Variants in CFAP61 observed in about 807,000 individuals in gnomAD.
CFAP61 encodes cilia and flagella associated protein 61, also known as cilia- and flagella-associated protein 61.
In CFAP61, 107 loss-of-function variants were observed where a neutral mutation model predicts 135.6. That is an observed-to-expected ratio of 0.79 (90% CI 0.67 to 0.93). The LOEUF (loss-of-function observed/expected upper bound fraction) is 0.93, where lower values mean the gene tolerates loss of function less well. Ranked by LOEUF, CFAP61 falls within the 40% of genes least tolerant of loss-of-function variation. The pLI, the probability that CFAP61 is intolerant of heterozygous loss-of-function variation, is 0.00. For missense variants in CFAP61, 1,507 were observed against 1,556.2 expected (o/e 0.97, Z 0.53); for synonymous variants, 575 against 578.5 (o/e 0.99, Z 0.09).
intron 17 of CFAP61, among the ~76,000 whole-genome samples, chr20:20,216,631 G>A (rs1366962384): frequency 6.6e-6 from 1 of 152,128 alleles, no homozygotes; most frequent in Non-Finnish European, 1.5e-5. Flanking sequence ...TTGCTTGGTT[G>A]GGGGTTTTAT....
rs1433342835 is a variant in CFAP61 at position 20,314,635 on chromosome 20, A to C, written c.3422+16249A>C. 1.7e-4 allele frequency among the ~76,000 whole-genome samples: 25 copies of C among 143,634 alleles called. No individual in the cohort carries two copies. The Admixed American group carries it at 1.8e-3, about 10-fold the overall frequency. 94.2% of individuals were successfully genotyped at this position (143,634 alleles called of 152,430 possible). On this transcript the variant is annotated intron_variant, in intron 25 of 26. Coordinates refer to ENST00000245957, the MANE Select transcript of CFAP61 (RefSeq NM_015585.4). ...TGTGCCATGCTGGTGGGCTGCACCC[A>C]CTAACTCGTCATCTAGCATTAGGTA...
chr20:20,084,697 T>C (rs8115730), intron 6 of CFAP61, among the ~76,000 whole-genome samples: 7,127 of 152,224 alleles, frequency 0.047, 553 homozygotes, highest in African/African-American at 0.16. Context: ...CCTAGCAAGC[T>C]CAGCTAACCG....
In CFAP61 at chr20:20,127,592, G is replaced by A. The variant is rs759697286; in HGVS notation, c.860-15265G>A. Among the ~76,000 whole-genome samples, 8 of 151,202 alleles carry A rather than the reference G, an allele frequency of 5.3e-5. No individual in the cohort carries two copies. The South Asian group carries it at 1.5e-3, about 28-fold the overall frequency. ...TGAACCATCTGTGGGTCTCTCAGCCGTGGATACCAGTGCCTGTTCCGGTGG... is the reference window on the plus strand; with the variant it reads ...TGAACCATCTGTGGGTCTCTCAGCCATGGATACCAGTGCCTGTTCCGGTGG... On this transcript the variant is annotated intron_variant, in intron 8 of 26. Transcript: ENST00000245957.
intron 13 of CFAP61, among the ~76,000 whole-genome samples, chr20:20,186,306 C>T (rs370545180): frequency 2.6e-5 from 4 of 152,176 alleles, no homozygotes; most frequent in East Asian, 1.9e-4. Flanking sequence ...TCTCTCACTT[C>T]GCACAATGTT....
At chr20:20,308,755 A>G (rs930695556) in intron 25 of CFAP61, among the ~76,000 whole-genome samples, 1 of 152,202 alleles carries the variant, frequency 6.6e-6, no homozygotes, top group African/African-American at 2.4e-5. Context: ...CCCTCTGCAC[A>G]TCTTCGTAAA....
At chr20:20,075,687 T>A in intron 6 of CFAP61, 72 bp downstream of exon 6, 1 of 1,543,360 alleles carries the variant, frequency 6.5e-7, no homozygotes, top group South Asian at 1.2e-5. Context: ...CTCTTTAAAC[T>A]ACCAATGCTA....
chr20:20,116,112 C>T (rs2049120074), intron 8 of CFAP61, among the ~76,000 whole-genome samples: 2 of 151,986 alleles, frequency 1.3e-5, no homozygotes, highest in South Asian at 4.2e-4. Context: ...TCATCTGATA[C>T]TTTTTTGATA....
intron 2 of CFAP61, among the ~76,000 whole-genome samples, chr20:20,067,764 T>TATATA (rs2045403009): frequency 5.3e-5 from 3 of 56,700 alleles, no homozygotes; most frequent in Non-Finnish European, 1.9e-4. Context: ...TATATTATTA[T>TATATA]ATATGTATTT....
At position 20,181,242 on chromosome 20, in the gene CFAP61, GTA is replaced by G. The variant is rs566116866; in HGVS notation, c.1386-6679_1386-6678del. 3.3e-3 allele frequency among the ~76,000 whole-genome samples: 466 copies of G among 143,210 alleles called. 4 individuals are homozygous for G. The highest frequency in any genetic ancestry group is 4.9e-3 in the Non-Finnish European group (327 of 66,286). 94.0% of individuals were successfully genotyped at this position (143,210 alleles called of 152,430 possible). On this transcript the variant is annotated intron_variant, in intron 13 of 26. Coordinates refer to ENST00000245957, the MANE Select transcript of CFAP61 (RefSeq NM_015585.4). ...ATGTGTATATATATAACTTTTATGTGTATATATATAACTTTTATATGTATGTG... is the reference window on the plus strand; with the variant it reads ...ATGTGTATATATATAACTTTTATGTGTATATATAACTTTTATATGTATGTG...
chr20:20,161,799 T>C (rs188120081), intron 10 of CFAP61, among the ~76,000 whole-genome samples: 14 of 152,298 alleles, frequency 9.2e-5, no homozygotes, highest in Middle Eastern at 3.4e-3. Flanking sequence ...GTTGTAACGG[T>C]GAGGAATAGA....
At chr20:20,056,162 A>C in intron 1 of CFAP61, 1 of 605,042 alleles carries the variant, frequency 1.7e-6, no homozygotes, top group Non-Finnish European at 2.9e-6. Flanking sequence ...TAACCACAGA[A>C]CTTTTTTGGT....
At chr20:20,265,702 G>A (rs2052670929) in intron 21 of CFAP61, 8 of 527,550 alleles carry the variant, frequency 1.5e-5, no homozygotes, top group Admixed American at 1.0e-4. Context: ...TGAAATGCTA[G>A]GACCAAGCTC....
intron 25 of CFAP61, chr20:20,322,847 A>G (rs1203318082): frequency 5.1e-6 from 5 of 985,250 alleles, no homozygotes; most frequent in Non-Finnish European, 6.0e-6. Context: ...TTCATCTTGC[A>G]TTAATGAAAA....
intron 8 of CFAP61, among the ~76,000 whole-genome samples, 170 bp from the exon 9 acceptor site, chr20:20,142,687 C>T (rs1435204269): frequency 3.3e-5 from 5 of 152,066 alleles, no homozygotes; most frequent in Admixed American, 1.3e-4. Flanking sequence ...TGTCAAAATT[C>T]GGGGGGGCTG....
chr20:20,208,647 G>A (rs544446379), intron 17 of CFAP61, among the ~76,000 whole-genome samples: 7 of 152,352 alleles, frequency 4.6e-5, no homozygotes, highest in Admixed American at 2.6e-4. Context: ...TCAGGGCAGG[G>A]AGGAACAGTT....
At chr20:20,169,218 C>A in intron 12 of CFAP61, 103 bp from the exon 13 acceptor site, 2 of 1,115,630 alleles carry the variant, frequency 1.8e-6, no homozygotes, top group Admixed American at 2.1e-5. Context: ...TCTCCTTAAT[C>A]AACACATTTT....
chr20:20,312,608 A>T, intron 25 of CFAP61, among the ~76,000 whole-genome samples: 1 of 151,866 alleles, frequency 6.6e-6, no homozygotes, highest in Admixed American at 6.5e-5. Flanking sequence ...AGTGAATCTC[A>T]AGCATAAAAA....
intron 8 of CFAP61, among the ~76,000 whole-genome samples, chr20:20,129,260 C>T (rs548564780): frequency 5.9e-5 from 9 of 151,840 alleles, no homozygotes; most frequent in East Asian, 3.9e-4. Flanking sequence ...GTCTGTTTGT[C>T]GTGAATTCTC....
rs370926320 is a variant in CFAP61 at position 20,166,543 on chromosome 20, G to A, written c.1245+107G>A. On this transcript the variant is annotated intron_variant, in intron 12 of 26. Coordinates refer to ENST00000245957, the MANE Select transcript of CFAP61 (RefSeq NM_015585.4). Reference sequence around the variant, plus strand: ...GCTGTGAATGTTGAGGTTTGTGTTCGGAGAATAAGGTCAAATGGCATGTCA... The same window carrying A: ...GCTGTGAATGTTGAGGTTTGTGTTCAGAGAATAAGGTCAAATGGCATGTCA... The A allele has an allele frequency of 8.5e-5, 72 of 850,994 alleles. 1 individual carries two copies. The Middle Eastern group carries it at 1.1e-3, about 13-fold the overall frequency. The allele number at this position is 850,994 out of a possible 1,614,324, so 52.7% of individuals were successfully genotyped here.
Sources: allele counts gnomAD v4.1 joint callset (sites outside exome capture counted in the v4.1 genomes callset), GRCh38; gene constraint gnomAD v4.1.1; transcripts MANE v1.5; gene names NCBI Gene and HGNC (gene_info 2026-07-23, HGNC 2026-07-21).